Variants in TMEM117 observed in about 807,000 individuals in gnomAD.
The protein encoded by TMEM117 is transmembrane protein 117.
TMEM117 carries 27 observed loss-of-function variants against 52.4 expected under a neutral mutation model. The ratio of observed to expected loss-of-function variants is 0.51; its 90% CI spans 0.38 to 0.71. The LOEUF is 0.71. TMEM117 is among the 30% of genes least tolerant of loss of function. The pLI, the probability that TMEM117 is intolerant of heterozygous loss-of-function variation, is 0.00. For missense variants in TMEM117, 556 were observed against 630.5 expected (o/e 0.88, Z 1.26); for synonymous variants, 215 against 206.3 (o/e 1.04, Z -0.36).
chr12:43,868,583 A>C (rs952843970), intron 2 of TMEM117, among the ~76,000 whole-genome samples: 9 of 151,840 alleles, frequency 5.9e-5, no homozygotes, highest in African/African-American at 2.2e-4. Flanking sequence ...CCTCCAAAAA[A>C]AAAAACACAC....
chr12:44,057,598 T>A (rs58988198), intron 3 of TMEM117, among the ~76,000 whole-genome samples: 9,530 of 150,684 alleles, frequency 0.063, 466 homozygotes, highest in African/African-American at 0.14. Flanking sequence ...GAAAAAAAAA[T>A]ATAGGAAATA....
intron 3 of TMEM117, among the ~76,000 whole-genome samples, chr12:43,971,446 A>G (rs1592404428): frequency 6.6e-6 from 1 of 152,206 alleles, no homozygotes; most frequent in African/African-American, 2.4e-5. Context: ...GCTAAGTTCC[A>G]TCCAAAGTGA....
chr12:43,860,896 T>G (rs1437210516), intron 2 of TMEM117, among the ~76,000 whole-genome samples: 1 of 152,134 alleles, frequency 6.6e-6, no homozygotes, highest in Admixed American at 6.5e-5. Context: ...CTTGAGCTCA[T>G]TGTCTTAGTT....
intron 6 of TMEM117, among the ~76,000 whole-genome samples, chr12:44,368,489 A>G (rs1951820680): frequency 6.6e-6 from 1 of 152,120 alleles, no homozygotes; most frequent in East Asian, 1.9e-4. Context: ...ACTGAATCAC[A>G]TTTTCCCACT....
chr12:43,847,045 G>T (rs1592302804), intron 2 of TMEM117, among the ~76,000 whole-genome samples: 1 of 152,178 alleles, frequency 6.6e-6, no homozygotes, highest in Admixed American at 6.5e-5. Context: ...GAAAGAAATG[G>T]AGAAGTGCTA....
intron 5 of TMEM117, among the ~76,000 whole-genome samples, chr12:44,256,875 G>T (rs1950265782): frequency 6.6e-6 from 1 of 151,380 alleles, no homozygotes; most frequent in Non-Finnish European, 1.5e-5. Context: ...ATGATTGTTT[G>T]GTTTTAAGTC....
chr12:44,125,783 C>T (rs1948314561), intron 3 of TMEM117, among the ~76,000 whole-genome samples: 1 of 151,974 alleles, frequency 6.6e-6, no homozygotes, highest in Non-Finnish European at 1.5e-5. Context: ...TCTTGGTTCT[C>T]TAATTCTTTT....
intron 3 of TMEM117, among the ~76,000 whole-genome samples, chr12:43,977,925 C>T (rs1945698899): frequency 6.6e-6 from 1 of 152,146 alleles, no homozygotes; most frequent in African/African-American, 2.4e-5. Context: ...TCAATGGATA[C>T]ATGTACATAT....
intron 4 of TMEM117, among the ~76,000 whole-genome samples, chr12:44,171,463 TA>T (rs1445721624): frequency 6.6e-6 from 1 of 152,224 alleles, no homozygotes; most frequent in Non-Finnish European, 1.5e-5. Flanking sequence ...GGTGATACTG[TA>T]TTTCCCTCTT....
intron 3 of TMEM117, among the ~76,000 whole-genome samples, chr12:44,079,791 G>A (rs1247239604): frequency 6.6e-6 from 1 of 151,966 alleles, no homozygotes; most frequent in African/African-American, 2.4e-5. Context: ...CAAGGCAGGT[G>A]GATCACCCGA....
intron 1 of TMEM117, among the ~76,000 whole-genome samples, chr12:43,838,763 G>C (rs1426899066): frequency 2.0e-5 from 3 of 151,640 alleles, no homozygotes; most frequent in Non-Finnish European, 4.4e-5. Context: ...TATAGAGGTA[G>C]TCGTGCCTGT....
At chr12:43,869,922 C>A (rs1002002938) in intron 2 of TMEM117, among the ~76,000 whole-genome samples, 3 of 152,126 alleles carry the variant, frequency 2.0e-5, no homozygotes, top group African/African-American at 7.2e-5. Context: ...CTCCCACCAC[C>A]CCCCATACTC....
chr12:44,149,082 T>TG (rs1477351409), intron 4 of TMEM117, among the ~76,000 whole-genome samples: 1 of 152,192 alleles, frequency 6.6e-6, no homozygotes, highest in African/African-American at 2.4e-5. Context: ...GAATTGCCAG[T>TG]GTAAGTCTCC....
intron 3 of TMEM117, among the ~76,000 whole-genome samples, chr12:44,042,954 A>C (rs572345720): frequency 1.3e-5 from 2 of 152,158 alleles, no homozygotes; most frequent in South Asian, 4.1e-4. Flanking sequence ...TTAGACCCCA[A>C]AATGCTAAGG....
chr12:44,392,313 G>C (rs1952164887), downstream of TMEM117, among the ~76,000 whole-genome samples: 1 of 152,096 alleles, frequency 6.6e-6, no homozygotes, highest in Admixed American at 6.6e-5. Flanking sequence ...TGAAATCTTA[G>C]AAATAAAAAC....
intron 4 of TMEM117, among the ~76,000 whole-genome samples, chr12:44,164,842 C>A (rs1948943884): frequency 1.3e-5 from 2 of 152,158 alleles, no homozygotes; most frequent in Non-Finnish European, 2.9e-5. Flanking sequence ...TATTTTGATA[C>A]ATGCATGCAA....
chr12:44,367,753 T>G (rs1229012857), intron 6 of TMEM117, among the ~76,000 whole-genome samples: 1 of 152,114 alleles, frequency 6.6e-6, no homozygotes, highest in Non-Finnish European at 1.5e-5. Context: ...CTCTCTGGAT[T>G]TCTTACCCAC....
rs1341495588 is a variant in TMEM117, at chr12:44,348,513, A to G, written c.769-28082A>G. On this transcript the variant is annotated intron_variant, in intron 6 of 7. Transcript: ENST00000266534. ...AATATGCCCAAAACACATTCTGATA[A>G]TACGTTCTTAGTGCCTAGCAGGTGA... Among the ~76,000 whole-genome samples the G allele has an allele frequency of 2.3e-4, 35 of 152,126 alleles. 1 individual carries two copies. Among genetic ancestry groups the G allele is most frequent in the Admixed American group, 2.3e-3 (35 of 15,238 alleles).
At chr12:44,250,587 C>G (rs1950185326) in intron 5 of TMEM117, among the ~76,000 whole-genome samples, 1 of 152,064 alleles carries the variant, frequency 6.6e-6, no homozygotes, top group African/African-American at 2.4e-5. Context: ...TGGAACCAAC[C>G]CAAATGCCCA....
Sources: allele counts gnomAD v4.1 joint callset (sites outside exome capture counted in the v4.1 genomes callset), GRCh38; gene constraint gnomAD v4.1.1; transcripts MANE v1.5; gene names NCBI Gene and HGNC (gene_info 2026-07-23, HGNC 2026-07-21).